SCCPDH: variants seen among roughly 807,000 people sequenced by gnomAD.
The protein encoded by SCCPDH is saccharopine dehydrogenase (putative).
SCCPDH carries 34 observed loss-of-function variants against 51.5 expected under a neutral mutation model. That is an observed-to-expected ratio of 0.66 (90% confidence interval 0.50 to 0.88). SCCPDH has a LOEUF of 0.88. Ranked by LOEUF, SCCPDH falls within the 40% of genes least tolerant of loss-of-function variation. The pLI is 0.00. For missense variants in SCCPDH, 464 were observed against 527.1 expected, an observed-to-expected ratio of 0.88 and a Z score of 1.17; for synonymous variants, 187 against 191.3, an observed-to-expected ratio of 0.98 and a Z score of 0.19.
intron 5 of SCCPDH, among the ~76,000 whole-genome samples, chr1:246,757,390 C>CA (rs1307904116): frequency 6.9e-6 from 1 of 145,142 alleles, no homozygotes; most frequent in East Asian, 2.1e-4. Flanking sequence ...ATAGTAAATT[C>CA]AGAGGTCGTG....
chr1:246,758,328 C>A lies in SCCPDH; in HGVS notation c.667C>A (p.Pro223Thr), dbSNP rs1429466658. The A allele has an allele frequency of 6.2e-7, 1 of 1,606,296 alleles. No individual in the cohort carries two copies. Among genetic ancestry groups the A allele is most frequent in the East Asian group, 2.2e-5 (1 of 44,466 alleles). Residue 223 changes from proline (P) to threonine (T), a missense_variant, in exon 6 of 12, where the codon CCG becomes ACG. By Grantham distance (38) the Pro-to-Thr change is conservative (BLOSUM62 -1). Transcript: ENST00000366510. ...LRNVSNLKPV[P>T]LIGPKLKRRW... is the part of the protein sequence containing the mutation. The stretch of plus-strand genomic sequence containing the variant: ...AAATGTATCAAATCTGAAACCTGTC[C>A]CGCTCATTGGTCCAAAATTGAAGAG...
At chr1:246,729,194 G>A (rs1232403107) in intron 2 of SCCPDH, among the ~76,000 whole-genome samples, 1 of 152,194 alleles carries the variant, frequency 6.6e-6, no homozygotes, top group East Asian at 1.9e-4. Context: ...AATTACTGAT[G>A]AGGTTCCATG....
intron 1 of SCCPDH, 152 bp from the exon 2 acceptor site, chr1:246,726,740 A>G (rs908785322): frequency 2.7e-5 from 16 of 595,288 alleles, no homozygotes; most frequent in South Asian, 6.6e-5. Context: ...ACCTGATTAA[A>G]AACAGTTTTA....
In SCCPDH at chr1:246,760,235, C is replaced by A; in HGVS notation, c.990+8C>A. ...GGCCCAACACAAAAACAGGTAATTT[C>A]TTTTGTATTAAGACACTAAAATAAT... On this transcript the variant is annotated splice_region_variant and intron_variant, in intron 9 of 11. Transcript: ENST00000366510. 2 of 1,603,194 alleles carry A rather than the reference C, an allele frequency of 1.2e-6. No individual in the cohort carries two copies. The highest frequency in any genetic ancestry group is 8.5e-7 in the Non-Finnish European group (1 of 1,173,978).
rs974407643 is a variant in SCCPDH at position 246,767,463 on chromosome 1, A to G, written c.*163A>G. 9.7e-6 allele frequency: 4 copies of G among 413,786 alleles called. No individual in the cohort carries two copies. Among genetic ancestry groups the G allele is most frequent in the Non-Finnish European group, 1.7e-5 (4 of 236,334 alleles). The allele number at this position is 413,786 out of a possible 1,614,324, so 25.6% of individuals were successfully genotyped here. ...TAGGAAATTGTCCTAGCTTACCCTA[A>G]ATTTCAAATCTGAGTTGATTTTGTG... On this transcript the variant is annotated 3_prime_UTR_variant, in exon 12 of 12. Transcript: ENST00000366510.
intron 4 of SCCPDH, among the ~76,000 whole-genome samples, chr1:246,740,921 T>TA (rs944428755): frequency 2.0e-5 from 3 of 150,438 alleles, no homozygotes; most frequent in South Asian, 2.1e-4. Context: ...CCCTAAGAAA[T>TA]AAAAAAAAAT....
At position 246,750,120 on chromosome 1, in the gene SCCPDH, G is replaced by T. The variant is rs74152237; in HGVS notation, c.564+5995G>T. Among the ~76,000 whole-genome samples, 430 of 152,216 alleles carry T rather than the reference G, an allele frequency of 2.8e-3. 1 individual carries two copies. The highest frequency in any genetic ancestry group is 9.7e-3 in the African/African-American group (404 of 41,548). ...CCATCCTCTTTCTGCTGTTCGAACC[G>T]CGGTCTTGGTGCTTAGAAGCACTAG... On this transcript the variant is annotated intron_variant, in intron 5 of 11. Coordinates refer to ENST00000366510, the MANE Select transcript of SCCPDH (RefSeq NM_016002.3).
chr1:246,744,799 C>G (rs970952397), intron 5 of SCCPDH, among the ~76,000 whole-genome samples: 1 of 145,250 alleles, frequency 6.9e-6, no homozygotes, highest in Non-Finnish European at 1.5e-5. Context: ...TTTTTTTTTT[C>G]TTTTTCAGTA....
At chr1:246,733,455 A>G (rs1055496717) in intron 2 of SCCPDH, among the ~76,000 whole-genome samples, 2 of 149,998 alleles carry the variant, frequency 1.3e-5, no homozygotes, top group Admixed American at 6.7e-5. Flanking sequence ...TAATAAGTAT[A>G]TGGCCTCTAT....
intron 5 of SCCPDH, among the ~76,000 whole-genome samples, chr1:246,750,781 T>C (rs1668840664): frequency 6.6e-6 from 1 of 152,264 alleles, no homozygotes; most frequent in Non-Finnish European, 1.5e-5. Flanking sequence ...ATAAATACTT[T>C]AGACGACCAA....
At chr1:246,728,668 T>C (rs1309870377) in intron 2 of SCCPDH, among the ~76,000 whole-genome samples, 1 of 152,214 alleles carries the variant, frequency 6.6e-6, no homozygotes, top group African/African-American at 2.4e-5. Flanking sequence ...CTTGTTCTTA[T>C]CTGATTTTAT....
Position 246,726,809 on chromosome 1 carries a change from G to A in SCCPDH, c.191-83G>A, listed in dbSNP as rs539981357. On this transcript the variant is annotated intron_variant, in intron 1 of 11. Transcript: ENST00000366510. ...ATATCAGTGTATTTAGTAATTTGCTGTCACTGATTACTGTAAAAAGAAGAT... is the reference window on the plus strand; with the variant it reads ...ATATCAGTGTATTTAGTAATTTGCTATCACTGATTACTGTAAAAAGAAGAT... The A allele has an allele frequency of 8.1e-5, 74 of 908,204 alleles. 1 individual carries two copies. The highest frequency in any genetic ancestry group is 1.3e-4 in the Non-Finnish European group (74 of 567,372). The allele number at this position is 908,204 out of a possible 1,614,324, so 56.3% of individuals were successfully genotyped here.
chr1:246,732,428 C>A (rs1463090887), intron 2 of SCCPDH, among the ~76,000 whole-genome samples: 1 of 151,710 alleles, frequency 6.6e-6, no homozygotes, highest in Non-Finnish European at 1.5e-5. Context: ...TGCTCTGTCA[C>A]CCAGGCGGAA....
chr1:246,748,210 T>C lies in SCCPDH; in HGVS notation c.564+4085T>C, dbSNP rs147572329. Among the ~76,000 whole-genome samples, 159 of 152,202 alleles carry C rather than the reference T, an allele frequency of 1.0e-3. 4 individuals carry two copies. The East Asian group carries it at 0.027, about 26-fold the overall frequency. On this transcript the variant is annotated intron_variant, in intron 5 of 11. Transcript: ENST00000366510. ...TGTAAGTCTTTGACTAGCCCACGGA[T>C]GCACGGTATGACACAACACCCACCA...
chr1:246,739,217 A>T lies in SCCPDH; in HGVS notation c.385-955A>T, dbSNP rs536920652. Among the ~76,000 whole-genome samples, 4 of 152,326 alleles carry T rather than the reference A, an allele frequency of 2.6e-5. No individual in the cohort carries two copies. The South Asian group carries it at 8.3e-4, about 32-fold the overall frequency. ...AAACCTGGTGAACACTGCCTCAGCC[A>T]GGTGTTCAAGTCAGCATTAACCCTG... On this transcript the variant is annotated intron_variant, in intron 3 of 11. Transcript: ENST00000366510.
chr1:246,732,423 T>C (rs970765578), intron 2 of SCCPDH, among the ~76,000 whole-genome samples: 24 of 152,128 alleles, frequency 1.6e-4, no homozygotes, highest in African/African-American at 5.8e-4. Flanking sequence ...GTTCTTGCTC[T>C]GTCACCCAGG....
chr1:246,753,285 A>G (rs969625454), intron 5 of SCCPDH, among the ~76,000 whole-genome samples: 1 of 151,944 alleles, frequency 6.6e-6, no homozygotes, highest in African/African-American at 2.4e-5. Flanking sequence ...CTCTTCTTAC[A>G]TACACTTTTT....
chr1:246,725,149 C>T (rs929000351), intron 1 of SCCPDH, among the ~76,000 whole-genome samples: 3 of 152,178 alleles, frequency 2.0e-5, no homozygotes, highest in African/African-American at 7.2e-5. Context: ...AAGAATACTC[C>T]AGCAGTCTTC....
chr1:246,755,141 A>G (rs1229662824), intron 5 of SCCPDH, among the ~76,000 whole-genome samples: 1 of 152,228 alleles, frequency 6.6e-6, no homozygotes, highest in Admixed American at 6.5e-5. Context: ...GAGGGACCAT[A>G]AAGAAGACAT....
Sources: allele counts gnomAD v4.1 joint callset (sites outside exome capture counted in the v4.1 genomes callset), GRCh38; gene constraint gnomAD v4.1.1; transcripts MANE v1.5; gene names NCBI Gene and HGNC (gene_info 2026-07-23, HGNC 2026-07-21).